FGB: variants seen among roughly 807,000 people sequenced by gnomAD.
The protein encoded by FGB is beta-fibrinogen.
FGB carries 25 observed loss-of-function variants against 57.9 expected under a neutral mutation model. The ratio of observed to expected loss-of-function variants is 0.43; its 90% CI spans 0.31 to 0.60. The LOEUF (loss-of-function observed/expected upper bound fraction) is 0.60. Ranked by LOEUF, FGB falls within the 20% of genes least tolerant of loss-of-function variation. The pLI is 0.08. For missense variants in FGB, 536 were observed against 598.4 expected (o/e 0.90, Z 1.09); for synonymous variants, 203 against 199.2 (o/e 1.02, Z -0.16).
Position 154,570,695 on chromosome 4 carries a change from T to C in FGB, c.*45T>C. 1 of 1,417,362 alleles carries C rather than the reference T, an allele frequency of 7.1e-7. No homozygotes were observed. The highest frequency in any genetic ancestry group is 1.0e-6 in the Non-Finnish European group (1 of 1,003,152). The allele number at this position is 1,417,362 out of a possible 1,614,324, so 87.8% of individuals were successfully genotyped here. ...TGCTCTTCTGTATGTGACAACATTTTTGTACATTATGTTATTGGAATTTTC... is the reference window on the plus strand; with the variant it reads ...TGCTCTTCTGTATGTGACAACATTTCTGTACATTATGTTATTGGAATTTTC... On this transcript the variant is annotated 3_prime_UTR_variant, in exon 8 of 8. Transcript: ENST00000302068.
At chr4:154,566,304 G>A (rs560388826) in intron 2 of FGB, among the ~76,000 whole-genome samples, 185 bp from the exon 3 acceptor site, 1 of 152,056 alleles carries the variant, frequency 6.6e-6, no homozygotes, top group African/African-American at 2.4e-5. Context: ...TTTTTCTGGG[G>A]TAAGTAATAT....
intron 3 of FGB, 100 bp from the exon 4 acceptor site, chr4:154,567,493 T>A: frequency 1.3e-6 from 1 of 750,316 alleles, no homozygotes; most frequent in East Asian, 2.7e-5. Flanking sequence ...TAGCTCAGTG[T>A]TTAATAGTTT....
intron 1 of FGB, among the ~76,000 whole-genome samples, chr4:154,564,166 A>G (rs1730060420): frequency 6.6e-6 from 1 of 152,088 alleles, no homozygotes; most frequent in African/African-American, 2.4e-5. Context: ...TCTGCTTATC[A>G]ACTAAACCTC....
chr4:154,565,282 G>A, intron 1 of FGB: 1 of 399,574 alleles, frequency 2.5e-6, no homozygotes, highest in African/African-American at 2.1e-5. Flanking sequence ...GAGCTCCAGA[G>A]TACATTATGA....
rs777526125 is a variant in FGB, at chr4:154,570,543, G to A, written c.1369G>A (p.Ala457Thr). The part of the protein sequence containing the change: ...YWGGQYTWDM[A>T]KHGTDDGVVW... ...GGGTGGACAGTACACCTGGGACATG[G>A]CAAAGCATGGCACAGATGATGGTGT... is the stretch of plus-strand genomic sequence containing the variant. Residue 457 changes from alanine to threonine, a missense_variant, in exon 8 of 8, where the codon GCA (alanine) becomes ACA (threonine). This residue lies in a region of FGB where 177 missense variants were observed against 193.7 expected (regional missense o/e 0.91). Coordinates refer to ENST00000302068, the MANE Select transcript of FGB (RefSeq NM_005141.5). The A allele has an allele frequency of 4.3e-6, 7 of 1,614,072 alleles. No individual in the cohort carries two copies. In the South Asian group the frequency reaches 7.7e-5, roughly 18 times the overall value.
intron 5 of FGB, 48 bp from the exon 6 acceptor site, chr4:154,569,134 T>A (rs1730302048): frequency 6.2e-7 from 1 of 1,604,400 alleles, no homozygotes; most frequent in African/African-American, 1.3e-5. Context: ...AAAGTGACAT[T>A]ATTTGCTGTT....
In FGB at chr4:154,569,641, G is replaced by A. The variant is rs1560818777; in HGVS notation, c.1086G>A (p.Gln362=). 2 of 1,613,994 alleles carry A rather than the reference G, an allele frequency of 1.2e-6. No individual in the cohort carries two copies. The highest frequency in any genetic ancestry group is 1.7e-5 in the Admixed American group (1 of 59,988). The stretch of plus-strand genomic sequence containing the variant: ...CTCACTATGGAGGATTCACTGTACA[G>A]AATGAAGCCAACAAATACCAGATCT... ...VKAHYGGFTV[Q]NEANKYQISV... The change falls in exon 7 of 8, where the codon CAG becomes CAA. Residue 362 remains glutamine, a synonymous_variant. Transcript: ENST00000302068.
intron 5 of FGB, 30 bp downstream of exon 5, chr4:154,568,524 A>T (rs368581904): frequency 2.6e-6 from 3 of 1,154,716 alleles, no homozygotes; most frequent in African/African-American, 3.0e-5. Flanking sequence ...TGACCTGTTG[A>T]TCTGTAATTA....
Position 154,567,833 on chromosome 4 carries a change from T to A in FGB, c.718+13T>A, listed in dbSNP as rs945180163. 2 of 1,580,756 alleles carry A rather than the reference T, an allele frequency of 1.3e-6. No homozygotes were observed. Among genetic ancestry groups the A allele is most frequent in the Non-Finnish European group, 1.7e-6 (2 of 1,150,514 alleles). ...GTGTCTGGCAAAGGTAACTGATTCA[T>A]AAACATATTTTTAGAGAGTTCCAGA... On this transcript the variant is annotated intron_variant, in intron 4 of 7. Transcript: ENST00000302068.
chr4:154,566,440 C>A, intron 2 of FGB, 49 bp from the exon 3 acceptor site: 1 of 1,546,880 alleles, frequency 6.5e-7, no homozygotes, highest in South Asian at 1.1e-5. Flanking sequence ...TAACAAATGT[C>A]CATGACCCAA....
rs1730478798 is a variant in FGB, at chr4:154,572,730, C to CCAAATATGTTATGTATTCCAAAAACAT, written c.*2080_*2081insCAAATATGTTATGTATTCCAAAAACAT. Reference sequence around the variant, plus strand: ...ACAAAGTGTTTAACATATACGATTTCATGATTTTGGAAATATGCATACACC... The same window carrying CCAAATATGTTATGTATTCCAAAAACAT: ...ACAAAGTGTTTAACATATACGATTTCCAAATATGTTATGTATTCCAAAAACATATGATTTTGGAAATATGCATACACC... On this transcript the variant is annotated 3_prime_UTR_variant, in exon 8 of 8. Coordinates refer to ENST00000302068, the MANE Select transcript of FGB (RefSeq NM_005141.5). Among the ~76,000 whole-genome samples, 4 of 152,110 alleles carry CCAAATATGTTATGTATTCCAAAAACAT rather than the reference C, an allele frequency of 2.6e-5. No individual in the cohort carries two copies. Among genetic ancestry groups the CCAAATATGTTATGTATTCCAAAAACAT allele is most frequent in the African/African-American group, 9.7e-5 (4 of 41,424 alleles).
rs1174952862 is a variant in FGB at position 154,571,285 on chromosome 4, A to C, written c.*635A>C. On this transcript the variant is annotated 3_prime_UTR_variant, in exon 8 of 8. Transcript: ENST00000302068. ...TTGGGAGGCTGAGGCGGGCGGTCAC[A>C]AGGTCAGGAGTTCAAGACCAGCCTG... Among the ~76,000 whole-genome samples the C allele has an allele frequency of 6.6e-6, 1 of 151,988 alleles. No homozygotes were observed. The highest frequency in any genetic ancestry group is 1.5e-5 in the Non-Finnish European group (1 of 67,990).
intron 1 of FGB, chr4:154,565,252 G>T (rs1311541719): frequency 2.3e-6 from 1 of 439,536 alleles, no homozygotes. Flanking sequence ...CAACCCTACG[G>T]TCAAGACCTA....
chr4:154,564,527 T>G (rs1730075680), intron 1 of FGB, among the ~76,000 whole-genome samples: 1 of 152,062 alleles, frequency 6.6e-6, no homozygotes, highest in African/African-American at 2.4e-5. Context: ...AGTCAACTGG[T>G]TAAACAGGAA....
intron 5 of FGB, 99 bp from the exon 6 acceptor site, chr4:154,569,083 T>C: frequency 7.6e-7 from 1 of 1,308,904 alleles, no homozygotes; most frequent in Non-Finnish European, 1.1e-6. Context: ...GCACCAAATA[T>C]ATACTAAATG....
chr4:154,570,703 T>G lies in FGB; in HGVS notation c.*53T>G. 1 of 1,366,926 alleles carries G rather than the reference T, an allele frequency of 7.3e-7. No individual in the cohort carries two copies. The highest frequency in any genetic ancestry group is 1.8e-4 in the Middle Eastern group (1 of 5,598). 84.7% of individuals were successfully genotyped at this position (1,366,926 alleles called of 1,614,324 possible). A position where few individuals can be genotyped will look rare whatever the true frequency, so the allele number is the denominator to read the frequency against. On this transcript the variant is annotated 3_prime_UTR_variant, in exon 8 of 8. Coordinates refer to ENST00000302068, the MANE Select transcript of FGB (RefSeq NM_005141.5). ...TGTATGTGACAACATTTTTGTACAT[T>G]ATGTTATTGGAATTTTCTTTCATAC...
chr4:154,567,158 G>A (rs1004466525), intron 3 of FGB, among the ~76,000 whole-genome samples: 1 of 152,152 alleles, frequency 6.6e-6, no homozygotes, highest in African/African-American at 2.4e-5. Flanking sequence ...CATACCCACA[G>A]TTGGAAATTT....
At chr4:154,569,343 T>C in intron 6 of FGB, 36 bp downstream of exon 6, 1 of 1,613,354 alleles carries the variant, frequency 6.2e-7, no homozygotes, top group Non-Finnish European at 8.5e-7. Flanking sequence ...ATCATTCTAT[T>C]TGAAATGGGA....
In FGB at chr4:154,569,515, T is replaced by C; in HGVS notation, c.960T>C (p.Gly320=). The C allele has an allele frequency of 6.2e-7, 1 of 1,610,028 alleles. No individual in the cohort carries two copies. The change falls in exon 7 of 8, where the codon GGT becomes GGC. Residue 320 remains glycine, a splice_region_variant and synonymous_variant. Coordinates refer to ENST00000302068, the MANE Select transcript of FGB (RefSeq NM_005141.5). ...TDGKNYCGLP[G]EYWLGNDKIS... is the part of the protein sequence containing the mutation. ...GATTTTATTTTGTTTTTCTTTTAGG[T>C]GAATATTGGCTTGGAAATGATAAAA...
Sources: allele counts gnomAD v4.1 joint callset (sites outside exome capture counted in the v4.1 genomes callset), GRCh38; gene constraint gnomAD v4.1.1; regional missense constraint gnomAD v4.1.1; transcripts MANE v1.5; gene names NCBI Gene and HGNC (gene_info 2026-07-23, HGNC 2026-07-21).